The following IQSEC1 variants were observed in gnomAD, a reference collection of about 807,000 sequenced individuals.
IQSEC1 encodes the protein IQ motif and Sec7 domain ArfGEF 1, also known as IQ motif and SEC7 domain-containing protein 1.
In IQSEC1, 31 loss-of-function variants were observed where a neutral mutation model predicts 91.0. The observed-to-expected ratio is 0.34, with a 90% CI of 0.26 to 0.46. IQSEC1 has a LOEUF of 0.46. IQSEC1 is among the 20% of genes least tolerant of loss of function. The pLI, the probability that IQSEC1 is intolerant of heterozygous loss-of-function variation, is 1.00. For synonymous variants in IQSEC1, 699 were observed against 662.6 expected (o/e 1.05, Z -0.84); for missense variants, 1,388 against 1,575.6 (o/e 0.88, Z 2.02).
Position 13,282,121 on chromosome 3 carries a change from G to A in IQSEC1, c.272+590C>T, listed in dbSNP as rs560617581. Among the ~76,000 whole-genome samples the A allele has an allele frequency of 6.6e-6, 1 of 152,356 alleles. No homozygotes were observed. The highest frequency in any genetic ancestry group is 2.1e-4 in the South Asian group (1 of 4,832). On this transcript the variant is annotated intron_variant, in intron 1 of 15. Transcript: ENST00000648114. The surrounding 1 kb of genome is among the most constrained non-coding windows in gnomAD (Gnocchi z 6.4). The stretch of plus-strand genomic sequence containing the variant: ...AATCCTGGGTCCGAAATAGCCCCGG[G>A]TAATCCCAGGGCGAGGCAGTCGGGA...
chr3:13,134,210 G>A (rs1022286325), intron 2 of IQSEC1, among the ~76,000 whole-genome samples: 17 of 152,236 alleles, frequency 1.1e-4, no homozygotes, highest in Admixed American at 2.0e-4. Flanking sequence ...CCCCTCGTCA[G>A]GGCTGGAGCT....
chr3:13,256,557 G>C (rs927275468), intron 1 of IQSEC1, among the ~76,000 whole-genome samples: 2 of 152,116 alleles, frequency 1.3e-5, no homozygotes, highest in African/African-American at 4.8e-5. Flanking sequence ...CAGGGGAACT[G>C]GGGTTCCTAA....
In IQSEC1 at chr3:12,899,306, C is replaced by G. The variant is rs958131933; in HGVS notation, c.*1677G>C. 6.7e-7 allele frequency: 1 copy of G among 1,491,426 alleles called. No individual in the cohort carries two copies. The highest frequency in any genetic ancestry group is 9.2e-7 in the Non-Finnish European group (1 of 1,086,462). 92.4% of individuals were successfully genotyped at this position (1,491,426 alleles called of 1,614,324 possible). A position where few individuals can be genotyped will look rare whatever the true frequency, so the allele number is the denominator to read the frequency against. On this transcript the variant is annotated 3_prime_UTR_variant, in exon 14 of 14. Transcript: ENST00000613206. Reference sequence around the variant, plus strand: ...CCACTGGGAACGCGGCCCCGCGGCCCGCAGAGTCAGGCGTGAGCTTCGCCC... The same window carrying G: ...CCACTGGGAACGCGGCCCCGCGGCCGGCAGAGTCAGGCGTGAGCTTCGCCC...
At chr3:12,948,148 T>G (rs1699306211) in intron 1 of IQSEC1, among the ~76,000 whole-genome samples, 1 of 152,276 alleles carries the variant, frequency 6.6e-6, no homozygotes, top group Admixed American at 6.5e-5. Flanking sequence ...TGTATCTACT[T>G]CACAGGACTG....
At position 13,087,115 on chromosome 3, in the gene IQSEC1, G is replaced by A. The variant is rs552589616; in HGVS notation, c.303-39593C>T. Among the ~76,000 whole-genome samples, 366 of 152,260 alleles carry A rather than the reference G, an allele frequency of 2.4e-3. 1 individual carries two copies. Among genetic ancestry groups the A allele is most frequent in the African/African-American group, 8.6e-3 (356 of 41,542 alleles). ...CACATGCCACACCCTTTGAAGGTTT[G>A]GTGAAAATCCCACCCCAGACAACAT... On this transcript the variant is annotated intron_variant, in intron 2 of 15. Coordinates refer to the IQSEC1 transcript ENST00000648114.
chr3:13,150,129 A>T (rs944924241), intron 2 of IQSEC1, among the ~76,000 whole-genome samples: 8 of 152,204 alleles, frequency 5.3e-5, no homozygotes. Context: ...TAGAGACACG[A>T]GTGAAAAATG....
intron 1 of IQSEC1, among the ~76,000 whole-genome samples, chr3:13,266,561 C>T (rs746879872): frequency 1.1e-4 from 16 of 151,032 alleles, no homozygotes; most frequent in African/African-American, 2.9e-4. Context: ...TCAGCAGCTC[C>T]GATGATGGGG....
intron 2 of IQSEC1, among the ~76,000 whole-genome samples, chr3:13,158,631 A>G (rs922830184): frequency 2.0e-5 from 3 of 152,166 alleles, no homozygotes; most frequent in Non-Finnish European, 4.4e-5. Context: ...GTCAACGTTC[A>G]GAGTCCTGAC....
chr3:13,022,520 A>C, intron 1 of IQSEC1: 34 of 944,236 alleles, frequency 3.6e-5, no homozygotes, highest in South Asian at 4.9e-5. Flanking sequence ...GGAAAAGCTC[A>C]GCTGCCGGAG....
chr3:13,147,501 TC>T (rs1176230539), intron 2 of IQSEC1, among the ~76,000 whole-genome samples: 3 of 152,250 alleles, frequency 2.0e-5, no homozygotes, highest in African/African-American at 2.4e-5. Flanking sequence ...ATTATGTCAT[TC>T]CTTTTTATGG....
intron 2 of IQSEC1, among the ~76,000 whole-genome samples, chr3:13,083,408 A>G (rs1463851187): frequency 6.6e-6 from 1 of 152,180 alleles, no homozygotes; most frequent in Non-Finnish European, 1.5e-5. Context: ...TTCAAATTCC[A>G]GCTCTGCCAC....
chr3:13,025,406 T>C lies in IQSEC1; in HGVS notation c.23+47586A>G, dbSNP rs182623452. Among the ~76,000 whole-genome samples, 23 of 152,334 alleles carry C rather than the reference T, an allele frequency of 1.5e-4. No individual in the cohort carries two copies. In the East Asian group the frequency reaches 4.4e-3, roughly 29 times the overall value. Reference sequence around the variant, plus strand: ...GCTGATGCCATTGTGAACTTGGCCTTTGAGGGCAGGGCACAGCTCAGGGAC... The same window carrying C: ...GCTGATGCCATTGTGAACTTGGCCTCTGAGGGCAGGGCACAGCTCAGGGAC... On this transcript the variant is annotated intron_variant, in intron 1 of 13. Coordinates refer to ENST00000613206, the MANE Select transcript of IQSEC1 (RefSeq NM_001134382.3).
Position 12,924,536 on chromosome 3 carries a change from G to T in IQSEC1, c.1730+45C>A, listed in dbSNP as rs1696940527. On this transcript the variant is annotated intron_variant, in intron 4 of 13. Coordinates refer to ENST00000613206, the MANE Select transcript of IQSEC1 (RefSeq NM_001134382.3). This position sits in a 1 kb window ranked among gnomAD's most constrained non-coding sequence, Gnocchi z 6.3. ...CACGGGTAACACAGGGTGCGTGAGG[G>T]CGTGTGTGGAATCAGGTCCCCCACC... 1.3e-6 allele frequency: 2 copies of T among 1,538,106 alleles called. No individual in the cohort carries two copies. Among genetic ancestry groups the T allele is most frequent in the Non-Finnish European group, 1.8e-6 (2 of 1,133,286 alleles).
At chr3:13,252,834 G>A (rs990780794) in intron 1 of IQSEC1, among the ~76,000 whole-genome samples, 2 of 152,102 alleles carry the variant, frequency 1.3e-5, no homozygotes, top group East Asian at 3.9e-4. Context: ...CCGGGTTCAC[G>A]CCATTCTCCT....
At chr3:13,236,665 C>T (rs1054997351) in intron 1 of IQSEC1, among the ~76,000 whole-genome samples, 1 of 152,210 alleles carries the variant, frequency 6.6e-6, no homozygotes, top group African/African-American at 2.4e-5. Context: ...AGATAGCAGC[C>T]AGCTGGGTCC....
At chr3:13,065,049 C>A (rs1705188829) in intron 1 of IQSEC1, among the ~76,000 whole-genome samples, 1 of 152,240 alleles carries the variant, frequency 6.6e-6, no homozygotes, top group Non-Finnish European at 1.5e-5. Context: ...CTCCCTTCTC[C>A]TGCCTGGGGA....
chr3:13,148,366 C>T (rs9812485), intron 2 of IQSEC1, among the ~76,000 whole-genome samples: 87,096 of 151,940 alleles, frequency 0.57, 25,037 homozygotes, highest in Middle Eastern at 0.61. Context: ...CGGCACAGCC[C>T]GCCTCTGAGC....
intron 1 of IQSEC1, among the ~76,000 whole-genome samples, chr3:13,198,290 A>G (rs956827039): frequency 2.6e-5 from 4 of 152,038 alleles, no homozygotes; most frequent in Admixed American, 2.6e-4. Flanking sequence ...CCAAAAGCAT[A>G]AGCCTTGCAA....
chr3:13,154,438 C>CAT lies in IQSEC1; in HGVS notation c.302+9664_302+9665dup, dbSNP rs774589168. 9.3e-3 allele frequency among the ~76,000 whole-genome samples: 192 copies of CAT among 20,730 alleles called. 14 individuals are homozygous for CAT. Among genetic ancestry groups the CAT allele is most frequent in the East Asian group, 0.035 (19 of 546 alleles). The allele number at this position is 20,730 out of a possible 152,430, so 13.6% of individuals were successfully genotyped here. A position where few individuals can be genotyped will look rare whatever the true frequency, so the allele number is the denominator to read the frequency against. ...ACACCAGGAAGCTGGAACTTACATGCATATATATATATATATATATATATA... is the reference window on the plus strand; with the variant it reads ...ACACCAGGAAGCTGGAACTTACATGCATATATATATATATATATATATATATA... On this transcript the variant is annotated intron_variant, in intron 2 of 15. Coordinates refer to the IQSEC1 transcript ENST00000648114.
Sources: gnomAD v4.1 joint callset for allele counts (sites outside exome capture counted in the v4.1 genomes callset) on GRCh38, gnomAD v4.1.1 for gene constraint, Gnocchi (gnomAD v3.1) non-coding constraint, MANE v1.5 for transcripts, NCBI Gene and HGNC (gene_info 2026-07-23, HGNC 2026-07-21) for gene names.